Variants in DYNC1H1 observed in about 807,000 individuals in gnomAD.
The protein encoded by DYNC1H1 is cytoplasmic dynein 1 heavy chain 1.
DYNC1H1 carries 51 observed loss-of-function variants against 527.1 expected under a neutral mutation model. The ratio of observed to expected loss-of-function variants is 0.10; its 90% CI spans 0.08 to 0.12. DYNC1H1 has a LOEUF of 0.12. Ranked by LOEUF, DYNC1H1 falls within the 10% of genes least tolerant of loss-of-function variation. The probability of loss-of-function intolerance (pLI) is 1.00; values close to 1 mark genes in which losing one functional copy is unlikely to be tolerated. For missense variants in DYNC1H1, 2,771 were observed against 5,971.8 expected (o/e 0.46, Z 17.66); for synonymous variants, 2,189 against 2,278.8 (o/e 0.96, Z 1.12).
In DYNC1H1 at chr14:102,005,172, A is replaced by G. The variant is rs1241550540; in HGVS notation, c.5369A>G (p.Asn1790Ser). 1.2e-6 allele frequency: 2 copies of G among 1,614,202 alleles called. No homozygotes were observed. The highest frequency in any genetic ancestry group is 1.1e-5 in the South Asian group (1 of 91,080). Reference protein sequence around the residue: ...SVLSNVEVTLNVLADSVLMEQ... With the variant: ...SVLSNVEVTLSVLADSVLMEQ... The stretch of plus-strand genomic sequence containing the variant: ...CTGAGCAATGTGGAGGTCACCCTCA[A>G]TGTGTTAGCAGACTCTGTCCTCATG... Residue 1790 changes from asparagine (N) to serine (S), a missense_variant, in exon 26 of 78, where the codon AAT (asparagine) becomes AGT (serine). Asn to Ser is a conservative substitution (Grantham distance 46). Around this residue, in one of 32 missense-constraint regions of DYNC1H1, gnomAD observed 64 missense variants for 143.4 expected, o/e 0.45. Coordinates refer to ENST00000360184, the MANE Select transcript of DYNC1H1 (RefSeq NM_001376.5). This position sits in a 1 kb window ranked among gnomAD's most constrained non-coding sequence, Gnocchi z 4.0.
chr14:101,982,284 T>G (rs1197537723), intron 5 of DYNC1H1, among the ~76,000 whole-genome samples: 1 of 151,864 alleles, frequency 6.6e-6, no homozygotes, highest in Non-Finnish European at 1.5e-5. Flanking sequence ...TACATTATGG[T>G]GAGTATGTAA....
rs2152601746 is a variant in DYNC1H1, at chr14:102,050,535, G to A, written c.13913G>A (p.Arg4638Gln). ...GAGGATCCTCGCAGCTTCTACGAGC[G>A]GGGTGTCGCAGTCTTGTGCACAGAG... ...TKEDPRSFYE[R>Q]GVAVLCTE The change falls in exon 78 of 78, where the codon CGG (arginine) becomes CAG (glutamine). Residue 4638 changes from arginine (R) to glutamine (Q), a missense_variant. By Grantham distance (43) the Arg-to-Gln change is conservative (BLOSUM62 1). Transcript: ENST00000360184. 3.1e-6 allele frequency: 5 copies of A among 1,614,202 alleles called. No individual in the cohort carries two copies. Among genetic ancestry groups the A allele is most frequent in the Non-Finnish European group, 4.2e-6 (5 of 1,180,032 alleles).
chr14:101,968,239 G>A (rs1267971466), intron 1 of DYNC1H1, among the ~76,000 whole-genome samples: 1 of 152,138 alleles, frequency 6.6e-6, no homozygotes, highest in Non-Finnish European at 1.5e-5. Context: ...TGGTCTGGAT[G>A]AGAGCGTGTA....
At chr14:101,993,695 C>T (rs933570811) in intron 11 of DYNC1H1, among the ~76,000 whole-genome samples, 1 of 152,272 alleles carries the variant, frequency 6.6e-6, no homozygotes, top group East Asian at 1.9e-4. Flanking sequence ...CCTTTCCTGA[C>T]GTCATTACTG....
At chr14:102,008,388 C>T (rs778170226) in intron 29 of DYNC1H1, 51 bp downstream of exon 29, 45 of 1,601,492 alleles carry the variant, frequency 2.8e-5, no homozygotes, top group Non-Finnish European at 2.5e-5. Context: ...AGGGAAATTC[C>T]CTAGTGAACT....
In DYNC1H1 at chr14:102,012,585, C is replaced by G. The variant is rs2048270513; in HGVS notation, c.7014+115C>G. The G allele has an allele frequency of 7.1e-7, 1 of 1,412,354 alleles. No homozygotes were observed. Among genetic ancestry groups the G allele is most frequent in the Admixed American group, 1.7e-5 (1 of 59,174 alleles). The allele number at this position is 1,412,354 out of a possible 1,614,324, so 87.5% of individuals were successfully genotyped here. A position where few individuals can be genotyped will look rare whatever the true frequency, so the allele number is the denominator to read the frequency against. On this transcript the variant is annotated intron_variant, in intron 34 of 77. Transcript: ENST00000360184. This position sits in a 1 kb window ranked among gnomAD's most constrained non-coding sequence, Gnocchi z 4.9. ...GACCCAGATTCCATGGAGTAGTGAT[C>G]ATTGTGTAAGTAATTTTCAAAGATA...
chr14:102,023,254 A>G (rs762777374), intron 43 of DYNC1H1: 30 of 350,816 alleles, frequency 8.6e-5, no homozygotes, highest in Non-Finnish European at 1.3e-4. Context: ...AAAATACTTC[A>G]GAAAACAAAA....
At position 102,044,580 on chromosome 14, in the gene DYNC1H1, G is replaced by A. The variant is rs745501667; in HGVS notation, c.12903-15G>A. 1.2e-6 allele frequency: 2 copies of A among 1,614,078 alleles called. No homozygotes were observed. The highest frequency in any genetic ancestry group is 1.7e-6 in the Non-Finnish European group (2 of 1,180,058). On this transcript the variant is annotated splice_polypyrimidine_tract_variant and intron_variant, in intron 71 of 77. Transcript: ENST00000360184. This position sits in a 1 kb window ranked among gnomAD's most constrained non-coding sequence, Gnocchi z 7.1. ...GTGACCCCTGACATCATTTCCAAATGCACTGGTTTTCTAGGCGAGAGGAGT... is the reference window on the plus strand; with the variant it reads ...GTGACCCCTGACATCATTTCCAAATACACTGGTTTTCTAGGCGAGAGGAGT...
intron 43 of DYNC1H1, 129 bp from the exon 44 acceptor site, chr14:102,026,445 T>C: frequency 1.0e-6 from 1 of 996,912 alleles, no homozygotes; most frequent in Non-Finnish European, 1.5e-6. Context: ...TTTTTTGCTA[T>C]GTTATAAATG....
Position 102,041,876 on chromosome 14 carries a change from T to A in DYNC1H1, c.12103-137T>A. 6.6e-7 allele frequency: 1 copy of A among 1,508,610 alleles called. No homozygotes were observed. 93.5% of individuals were successfully genotyped at this position (1,508,610 alleles called of 1,614,324 possible). On this transcript the variant is annotated intron_variant, in intron 65 of 77. Transcript: ENST00000360184. The surrounding 1 kb of genome is among the most constrained non-coding windows in gnomAD (Gnocchi z 4.5). Reference sequence around the variant, plus strand: ...CAGGAACTCGCTGCAGATTCTCAACTCCTGGCTGCATGGTGCCCACACCTC... The same window carrying A: ...CAGGAACTCGCTGCAGATTCTCAACACCTGGCTGCATGGTGCCCACACCTC...
rs1360715649 is a variant in DYNC1H1 at position 102,049,937 on chromosome 14, G to A, written c.13684+55G>A. The A allele has an allele frequency of 3.1e-6, 5 of 1,613,514 alleles. No homozygotes were observed. The highest frequency in any genetic ancestry group is 3.4e-6 in the Non-Finnish European group (4 of 1,179,966). Reference sequence around the variant, plus strand: ...TCTTTGCAGGTGACCTCGGTGGCCTGAGACCATTGTTCCCAGATACATGCA... The same window carrying A: ...TCTTTGCAGGTGACCTCGGTGGCCTAAGACCATTGTTCCCAGATACATGCA... On this transcript the variant is annotated intron_variant, in intron 76 of 77. Coordinates refer to ENST00000360184, the MANE Select transcript of DYNC1H1 (RefSeq NM_001376.5). This position sits in a 1 kb window ranked among gnomAD's most constrained non-coding sequence, Gnocchi z 5.5.
chr14:101,994,168 G>A lies in DYNC1H1; in HGVS notation c.3016-16G>A. 1 of 1,613,988 alleles carries A rather than the reference G, an allele frequency of 6.2e-7. No individual in the cohort carries two copies. The stretch of plus-strand genomic sequence containing the variant: ...CATATACACTGCTTGCATTCATTTC[G>A]GCTTTGGTTGGCTAGGTGGGTGTAC... On this transcript the variant is annotated splice_polypyrimidine_tract_variant and intron_variant, in intron 11 of 77. Transcript: ENST00000360184.
chr14:102,043,990 C>G lies in DYNC1H1; in HGVS notation c.12629C>G (p.Ser4210Cys). The G allele has an allele frequency of 6.2e-7, 1 of 1,614,234 alleles. No individual in the cohort carries two copies. ...TCAAAGAAGTATGAATTTGGAGAGT[C>G]TGACCTGCGGTCAGCTTGCGATACG... is the stretch of plus-strand genomic sequence containing the variant. ...GWSKKYEFGE[S>C]DLRSACDTVD... Residue 4210 changes from serine (S) to cysteine (C), a missense_variant, in exon 70 of 78, where the codon TCT becomes TGT. Physicochemically the swap from Ser to Cys is moderately radical, Grantham distance 112. This residue lies in a region of DYNC1H1 where 195 missense variants were observed against 428.6 expected (regional missense o/e 0.45). Transcript: ENST00000360184.
rs2047926102 is a variant in DYNC1H1, at chr14:101,985,516, G to A, written c.1462-171G>A. 6.6e-6 allele frequency among the ~76,000 whole-genome samples: 1 copy of A among 151,960 alleles called. No homozygotes were observed. The highest frequency in any genetic ancestry group is 6.5e-5 in the Admixed American group (1 of 15,274). On this transcript the variant is annotated intron_variant, in intron 7 of 77. Coordinates refer to ENST00000360184, the MANE Select transcript of DYNC1H1 (RefSeq NM_001376.5). This position sits in a 1 kb window ranked among gnomAD's most constrained non-coding sequence, Gnocchi z 5.9. ...ATTGTTTGTATTTTTAGTAGAGACT[G>A]GGTTTCACCATGTTGGCCAGGCTGG...
rs758807529 is a variant in DYNC1H1, at chr14:101,979,536, A to G, written c.518+44A>G. 1.2e-6 allele frequency: 2 copies of G among 1,613,484 alleles called. No homozygotes were observed. Among genetic ancestry groups the G allele is most frequent in the Non-Finnish European group, 1.7e-6 (2 of 1,179,592 alleles). ...ATGTTATATTTCACTTAATGTTCAC[A>G]AGATAGTATAGAACTCGGTGTAAAA... On this transcript the variant is annotated intron_variant, in intron 3 of 77. Transcript: ENST00000360184. The surrounding 1 kb of genome is among the most constrained non-coding windows in gnomAD (Gnocchi z 4.6).
Position 102,044,528 on chromosome 14 carries a change from T to C in DYNC1H1, c.12902+37T>C. 1 of 1,614,162 alleles carries C rather than the reference T, an allele frequency of 6.2e-7. No homozygotes were observed. Among genetic ancestry groups the C allele is most frequent in the South Asian group, 1.1e-5 (1 of 91,080 alleles). On this transcript the variant is annotated intron_variant, in intron 71 of 77. Transcript: ENST00000360184. This position sits in a 1 kb window ranked among gnomAD's most constrained non-coding sequence, Gnocchi z 7.1. ...CCTGCTGGAATGGAGACAGTTGTGATGTCAGGGCGTCTGGTGTCACTCAGA... is the reference window on the plus strand; with the variant it reads ...CCTGCTGGAATGGAGACAGTTGTGACGTCAGGGCGTCTGGTGTCACTCAGA...
At chr14:102,048,320 GGCCTCAGCGGGTTTCTGAGCA>G (rs1486590775) in intron 73 of DYNC1H1, 175 bp from the exon 74 acceptor site, 4 of 793,036 alleles carry the variant, frequency 5.0e-6, no homozygotes, top group East Asian at 5.4e-5. Context: ...CTCGGGCAGG[GGCCTCAGCGGGTTTCTGAGCA>G]GCCTCAGCTT....
chr14:101,986,359 G>T lies in DYNC1H1; in HGVS notation c.2134G>T (p.Gly712Cys), dbSNP rs748062639. The T allele has an allele frequency of 6.2e-7, 1 of 1,613,974 alleles. No individual in the cohort carries two copies. The highest frequency in any genetic ancestry group is 8.5e-7 in the Non-Finnish European group (1 of 1,180,020). Residue 712 changes from glycine (G) to cysteine (C), a missense_variant, in exon 8 of 78, where the codon GGT (glycine) becomes TGT (cysteine). Physicochemically the swap from Gly to Cys is radical, Grantham distance 159 (BLOSUM62 -3). This residue lies in a region of DYNC1H1 where 264 missense variants were observed against 619.4 expected (regional missense o/e 0.43). Coordinates refer to ENST00000360184, the MANE Select transcript of DYNC1H1 (RefSeq NM_001376.5). The surrounding 1 kb of genome is among the most constrained non-coding windows in gnomAD (Gnocchi z 8.7). Reference sequence around the variant, plus strand: ...AAGGAAGGTGCAGCAGCGCAACCTCGGTGTCTCGGGGCGCATTTTCACCAT... The same window carrying T: ...AAGGAAGGTGCAGCAGCGCAACCTCTGTGTCTCGGGGCGCATTTTCACCAT... ...WARKVQQRNL[G>C]VSGRIFTIES...
chr14:102,004,485 AT>A (rs761985966), intron 23 of DYNC1H1, 32 bp from the exon 24 acceptor site: 22 of 1,589,296 alleles, frequency 1.4e-5, no homozygotes, highest in Non-Finnish European at 1.9e-5. Context: ...TGTATATAAT[AT>A]TTTTGCAACT....
Sources: gnomAD v4.1 joint callset for allele counts (sites outside exome capture counted in the v4.1 genomes callset) on GRCh38, gnomAD v4.1.1 for gene constraint, gnomAD v4.1.1 regional missense constraint, Gnocchi (gnomAD v3.1) non-coding constraint, MANE v1.5 for transcripts, NCBI Gene and HGNC (gene_info 2026-07-23, HGNC 2026-07-21) for gene names.